ZBTB20: variants seen among roughly 807,000 people sequenced by gnomAD.
The protein encoded by ZBTB20 is zinc finger and BTB domain containing 20, also known as zinc finger and BTB domain-containing protein 20.
In ZBTB20, 9 loss-of-function variants were observed where a neutral mutation model predicts 56.9. The ratio of observed to expected loss-of-function variants is 0.16; its 90% CI spans 0.10 to 0.28. The LOEUF is 0.28. ZBTB20 is among the 10% of genes least tolerant of loss of function. ZBTB20 has a pLI of 1.00. For synonymous variants in ZBTB20, 417 were observed against 420.7 expected, an observed-to-expected ratio of 0.99 and a Z score of 0.11; for missense variants, 655 against 1,003.0, an observed-to-expected ratio of 0.65 and a Z score of 4.69.
chr3:114,924,983 T>C lies in ZBTB20; in HGVS notation c.-455-24641A>G, dbSNP rs559262822. ...TTAAAATTCCCATTTGGTTCTTCTTTTTTTTTTTTTTTTTTTTTTTAGATG... is the reference window on the plus strand; with the variant it reads ...TTAAAATTCCCATTTGGTTCTTCTTCTTTTTTTTTTTTTTTTTTTTAGATG... On this transcript the variant is annotated intron_variant, in intron 3 of 11. Coordinates refer to ENST00000675478, the MANE Select transcript of ZBTB20 (RefSeq NM_001348800.3). Among the ~76,000 whole-genome samples the C allele has an allele frequency of 4.1e-3, 596 of 144,382 alleles. 1 individual carries two copies. The highest frequency in any genetic ancestry group is 0.011 in the Middle Eastern group (3 of 282). The allele number at this position is 144,382 out of a possible 152,430, so 94.7% of individuals were successfully genotyped here. A position where few individuals can be genotyped will look rare whatever the true frequency, so the allele number is the denominator to read the frequency against.
chr3:114,734,697 C>T (rs1042099118), intron 5 of ZBTB20, among the ~76,000 whole-genome samples: 3 of 151,634 alleles, frequency 2.0e-5, no homozygotes, highest in African/African-American at 7.3e-5. Context: ...TTAATAAAAG[C>T]AAGAAATAAA....
intron 6 of ZBTB20, among the ~76,000 whole-genome samples, chr3:114,683,094 C>G (rs2062084263): frequency 6.6e-6 from 1 of 152,052 alleles, no homozygotes; most frequent in Non-Finnish European, 1.5e-5. Context: ...TTTGTACTTA[C>G]CTGGAGCCAA....
At chr3:115,043,517 C>T (rs1347236497) in intron 2 of ZBTB20, among the ~76,000 whole-genome samples, 7 of 150,684 alleles carry the variant, frequency 4.6e-5, no homozygotes, top group East Asian at 1.9e-4. Context: ...TGCACTGAGC[C>T]GAGATTGTAC....
intron 6 of ZBTB20, chr3:114,502,936 T>A (rs2044177658): frequency 6.6e-6 from 1 of 152,220 alleles, no homozygotes; most frequent in African/African-American, 2.4e-5. Flanking sequence ...TTCTGTTGCA[T>A]GTTATAAACC....
At chr3:114,346,940 C>T (rs1273007092) in intron 11 of ZBTB20, among the ~76,000 whole-genome samples, 1 of 152,050 alleles carries the variant, frequency 6.6e-6, no homozygotes, top group Non-Finnish European at 1.5e-5. Context: ...CCCACCTTTA[C>T]CTCCCAAAGT....
At chr3:114,702,561 A>C (rs1287834147) in intron 5 of ZBTB20, among the ~76,000 whole-genome samples, 1 of 152,146 alleles carries the variant, frequency 6.6e-6, no homozygotes, top group African/African-American at 2.4e-5. Flanking sequence ...AGAAAAGGAA[A>C]CAAAGAACAA....
chr3:115,052,889 GTAA>G (rs1003238573), intron 2 of ZBTB20, among the ~76,000 whole-genome samples: 7 of 152,086 alleles, frequency 4.6e-5, no homozygotes, highest in African/African-American at 1.2e-4. Context: ...ATTGTTTTTA[GTAA>G]TAATAATTTT....
intron 2 of ZBTB20, among the ~76,000 whole-genome samples, chr3:114,980,393 G>T (rs1231746630): frequency 6.6e-6 from 1 of 150,520 alleles, no homozygotes; most frequent in Admixed American, 6.6e-5. Context: ...CTTTCTAAGG[G>T]TCCATAAAAC....
intron 3 of ZBTB20, among the ~76,000 whole-genome samples, chr3:114,928,211 T>G (rs534835407): frequency 6.6e-6 from 1 of 152,296 alleles, no homozygotes; most frequent in East Asian, 1.9e-4. Context: ...CTGGCTGGAG[T>G]AGCTTTATCT....
At chr3:114,888,411 T>C (rs2076686328) in intron 4 of ZBTB20, among the ~76,000 whole-genome samples, 1 of 152,126 alleles carries the variant, frequency 6.6e-6, no homozygotes, top group East Asian at 1.9e-4. Flanking sequence ...GTGAGGCCTT[T>C]ATATTTTTAA....
chr3:114,884,153 C>T (rs2076515471), intron 4 of ZBTB20, among the ~76,000 whole-genome samples: 1 of 151,232 alleles, frequency 6.6e-6, no homozygotes, highest in Admixed American at 6.6e-5. Context: ...TGTCGATCTC[C>T]TGACCTCGTG....
In ZBTB20 at chr3:114,669,029, T is replaced by C. The variant is rs115307108; in HGVS notation, c.-295+24499A>G. ...CTGTAGTTGTGGTTCACTCCAGTAA[T>C]ATATACTACCAATTCAGTGGTTCTT... is the stretch of plus-strand genomic sequence containing the variant. On this transcript the variant is annotated intron_variant, in intron 6 of 11. Transcript: ENST00000675478. 5.3e-3 allele frequency among the ~76,000 whole-genome samples: 802 copies of C among 152,188 alleles called. 5 individuals carry two copies. The highest frequency in any genetic ancestry group is 0.018 in the African/African-American group (766 of 41,542).
At chr3:114,520,210 T>A (rs2046474605) in intron 6 of ZBTB20, 1 of 151,634 alleles carries the variant, frequency 6.6e-6, no homozygotes, top group Admixed American at 6.6e-5. Context: ...TTAACAGGAG[T>A]CTCTTTAAAT....
chr3:114,665,150 A>G (rs2060974493), intron 6 of ZBTB20, among the ~76,000 whole-genome samples: 1 of 152,042 alleles, frequency 6.6e-6, no homozygotes, highest in South Asian at 2.1e-4. Context: ...TGAACCACAT[A>G]TATCTATACC....
intron 6 of ZBTB20, among the ~76,000 whole-genome samples, chr3:114,666,944 A>G (rs1162594535): frequency 6.6e-6 from 1 of 152,038 alleles, no homozygotes; most frequent in East Asian, 1.9e-4. Flanking sequence ...GGGCTGGACA[A>G]GATTATTTTA....
At chr3:114,585,694 C>T (rs1165303070) in intron 6 of ZBTB20, among the ~76,000 whole-genome samples, 1 of 152,198 alleles carries the variant, frequency 6.6e-6, no homozygotes, top group African/African-American at 2.4e-5. Context: ...GGGGCAACCA[C>T]ACTGGTTTCT....
chr3:114,833,727 G>T, intron 4 of ZBTB20, among the ~76,000 whole-genome samples: 1 of 143,878 alleles, frequency 7.0e-6, no homozygotes. Context: ...TGAGATACAG[G>T]TTCTCACTAT....
chr3:114,982,634 G>A (rs919413172), intron 2 of ZBTB20, among the ~76,000 whole-genome samples: 1 of 151,962 alleles, frequency 6.6e-6, no homozygotes, highest in Non-Finnish European at 1.5e-5. Flanking sequence ...AAACAGGCAG[G>A]TACCAGTGAG....
At chr3:114,557,841 T>G (rs183167578) in intron 6 of ZBTB20, among the ~76,000 whole-genome samples, 19 of 152,182 alleles carry the variant, frequency 1.2e-4, no homozygotes, top group African/African-American at 4.1e-4. Context: ...GTATATAAGC[T>G]AAAATAAATT....
Sources: gnomAD v4.1 joint callset for allele counts (sites outside exome capture counted in the v4.1 genomes callset) on GRCh38, gnomAD v4.1.1 for gene constraint, MANE v1.5 for transcripts, NCBI Gene and HGNC (gene_info 2026-07-23, HGNC 2026-07-21) for gene names.